The following EPHA5 variants were observed in gnomAD, a reference collection of about 807,000 sequenced individuals.
EPHA5 encodes the protein EPH receptor A5.
EPHA5 carries 60 observed loss-of-function variants against 105.0 expected under a neutral mutation model. The observed-to-expected ratio is 0.57, with a 90% CI of 0.46 to 0.71. The LOEUF is 0.71. Ranked by LOEUF, EPHA5 falls within the 30% of genes least tolerant of loss-of-function variation. The probability of loss-of-function intolerance (pLI) is 0.00; values close to 1 mark genes in which losing one functional copy is unlikely to be tolerated. For missense variants in EPHA5, 1,218 were observed against 1,274.7 expected (o/e 0.96, Z 0.68); for synonymous variants, 513 against 449.1 (o/e 1.14, Z -1.80).
chr4:65,511,093 G>T (rs1244474999), intron 3 of EPHA5, among the ~76,000 whole-genome samples: 1 of 152,118 alleles, frequency 6.6e-6, no homozygotes, highest in Non-Finnish European at 1.5e-5. Context: ...ACCAAGAAAT[G>T]AATGACTGGC....
chr4:65,393,181 T>C (rs1377082993), intron 8 of EPHA5, among the ~76,000 whole-genome samples: 3 of 152,142 alleles, frequency 2.0e-5, no homozygotes, highest in Admixed American at 2.0e-4. Flanking sequence ...AAAAAGAGTG[T>C]AGAGTGAGAG....
intron 7 of EPHA5, 100 bp downstream of exon 7, chr4:65,414,184 G>A (rs1723173012): frequency 3.0e-6 from 3 of 1,009,842 alleles, no homozygotes; most frequent in Non-Finnish European, 4.6e-6. Flanking sequence ...GAGAGAGGGA[G>A]AGTGAGACTG....
At chr4:65,477,648 A>G (rs10012441) in intron 5 of EPHA5, among the ~76,000 whole-genome samples, 149,344 of 152,148 alleles carry the variant, frequency 0.98, 73,364 homozygotes, top group East Asian at 1. Flanking sequence ...TCTTGACCTC[A>G]TGATCACCCC....
intron 11 of EPHA5, among the ~76,000 whole-genome samples, chr4:65,360,929 A>C (rs868580992): frequency 2.0e-5 from 3 of 151,610 alleles, no homozygotes; most frequent in Non-Finnish European, 4.4e-5. Context: ...AGGGTGATAA[A>C]ACATGTGCAG....
intron 11 of EPHA5, among the ~76,000 whole-genome samples, chr4:65,354,512 A>T (rs1201913388): frequency 6.6e-6 from 1 of 151,780 alleles, no homozygotes; most frequent in Non-Finnish European, 1.5e-5. Context: ...TGAGTTAAGA[A>T]AACAGAGACC....
rs1412077958 is a variant in EPHA5, at chr4:65,522,953, C to T, written c.911-27410G>A. On this transcript the variant is annotated intron_variant, in intron 3 of 16. Coordinates refer to ENST00000613740, the MANE Select transcript of EPHA5 (RefSeq NM_001281766.3). ...GAATTGAGAATGTTATCAAGGGATT[C>T]TAAAAAGCATGATCAACAAAAAAGA... is the stretch of plus-strand genomic sequence containing the variant. 4.0e-5 allele frequency among the ~76,000 whole-genome samples: 6 copies of T among 151,794 alleles called. No individual in the cohort carries two copies. The East Asian group carries it at 9.7e-4, about 24-fold the overall frequency.
chr4:65,581,985 C>A (rs1741669851), intron 3 of EPHA5, among the ~76,000 whole-genome samples: 1 of 151,670 alleles, frequency 6.6e-6, no homozygotes, highest in African/African-American at 2.4e-5. Flanking sequence ...TGTGTGAGCA[C>A]CTTTCAACAT....
chr4:65,540,595 C>T (rs1736722796), intron 3 of EPHA5, among the ~76,000 whole-genome samples: 1 of 151,390 alleles, frequency 6.6e-6, no homozygotes, highest in Non-Finnish European at 1.5e-5. Context: ...TCGAAAGATT[C>T]TCACAAACAT....
intron 2 of EPHA5, among the ~76,000 whole-genome samples, chr4:65,641,318 C>T (rs1210321140): frequency 3.3e-5 from 5 of 152,134 alleles, no homozygotes; most frequent in Non-Finnish European, 7.3e-5. Flanking sequence ...CTTAAATAAG[C>T]ATGCCCTATA....
At chr4:65,372,999 C>T (rs955791963) in intron 8 of EPHA5, among the ~76,000 whole-genome samples, 1 of 151,828 alleles carries the variant, frequency 6.6e-6, no homozygotes, top group Non-Finnish European at 1.5e-5. Context: ...TTGTAATTGA[C>T]AGAATTTTGA....
chr4:65,410,921 T>C (rs1722850967), intron 7 of EPHA5, among the ~76,000 whole-genome samples: 1 of 152,150 alleles, frequency 6.6e-6, no homozygotes, highest in Non-Finnish European at 1.5e-5. Context: ...AAGGTTAAGA[T>C]AGATTCCGTT....
At chr4:65,559,324 C>A (rs952251749) in intron 3 of EPHA5, among the ~76,000 whole-genome samples, 1 of 152,010 alleles carries the variant, frequency 6.6e-6, no homozygotes, top group African/African-American at 2.4e-5. Context: ...ATAAATTTGA[C>A]GATCATTTCA....
intron 8 of EPHA5, among the ~76,000 whole-genome samples, chr4:65,379,819 T>C (rs1719380384): frequency 6.6e-6 from 1 of 151,752 alleles, no homozygotes; most frequent in Admixed American, 6.6e-5. Flanking sequence ...TAAAAAATCA[T>C]TTCCACGAAA....
chr4:65,515,634 T>A (rs78733457), intron 3 of EPHA5, among the ~76,000 whole-genome samples: 6,154 of 152,282 alleles, frequency 0.04, 147 homozygotes, highest in East Asian at 0.067. Flanking sequence ...TAACTTGCAG[T>A]TAGTATATAG....
intron 2 of EPHA5, among the ~76,000 whole-genome samples, chr4:65,632,192 T>A (rs967277881): frequency 6.6e-6 from 1 of 152,134 alleles, no homozygotes; most frequent in African/African-American, 2.4e-5. Context: ...GATTAGCTGA[T>A]GTCAAGACCT....
At chr4:65,454,212 G>A (rs1027456066) in intron 5 of EPHA5, among the ~76,000 whole-genome samples, 6 of 152,000 alleles carry the variant, frequency 3.9e-5, no homozygotes, top group African/African-American at 1.2e-4. Context: ...CTCAGGAGGC[G>A]GAGGTTGCAG....
chr4:65,588,803 G>C (rs1742363027), intron 3 of EPHA5, among the ~76,000 whole-genome samples: 1 of 152,112 alleles, frequency 6.6e-6, no homozygotes, highest in South Asian at 2.1e-4. Context: ...TGAGTAGCTG[G>C]CCTGGTCGGA....
At chr4:65,478,679 C>A (rs750888136) in intron 5 of EPHA5, among the ~76,000 whole-genome samples, 2 of 152,088 alleles carry the variant, frequency 1.3e-5, no homozygotes, top group African/African-American at 2.4e-5. Context: ...GCCATGCTGG[C>A]CAGGCTGGTC....
intron 3 of EPHA5, among the ~76,000 whole-genome samples, chr4:65,586,267 T>C (rs977312246): frequency 6.6e-6 from 1 of 151,746 alleles, no homozygotes; most frequent in South Asian, 2.1e-4. Context: ...AATTTCTTCA[T>C]TGTACCCAAT....
Sources: gnomAD v4.1 joint callset for allele counts (sites outside exome capture counted in the v4.1 genomes callset) on GRCh38, gnomAD v4.1.1 for gene constraint, MANE v1.5 for transcripts, NCBI Gene and HGNC (gene_info 2026-07-23, HGNC 2026-07-21) for gene names.